TBXAS1: variants seen among roughly 807,000 people sequenced by gnomAD.
The protein encoded by TBXAS1 is thromboxane-A synthase.
A neutral mutation model predicts 60.7 loss-of-function variants in TBXAS1; 48 were observed. The observed-to-expected ratio is 0.79, with a 90% CI of 0.63 to 1.01. The LOEUF (loss-of-function observed/expected upper bound fraction) is 1.01, where lower values mean the gene tolerates loss of function less well. Among genes scored for constraint, TBXAS1 ranks in the 50% least tolerant of loss-of-function variants. The probability of loss-of-function intolerance (pLI) is 0.00; values close to 1 mark genes in which losing one functional copy is unlikely to be tolerated. For synonymous variants in TBXAS1, 287 were observed against 269.7 expected (o/e 1.06, Z -0.63); for missense variants, 685 against 686.3 (o/e 1.00, Z 0.02).
chr7:139,948,549 C>A (rs1808933528), intron 5 of TBXAS1, among the ~76,000 whole-genome samples: 1 of 152,064 alleles, frequency 6.6e-6, no homozygotes, highest in Non-Finnish European at 1.5e-5. Context: ...AATATTTTAT[C>A]TGATTATAAG....
chr7:139,961,808 C>A, intron 8 of TBXAS1, 111 bp from the exon 9 acceptor site: 1 of 1,338,814 alleles, frequency 7.5e-7, no homozygotes, highest in South Asian at 1.3e-5. Flanking sequence ...CTTGTTGCTA[C>A]TGAGCTCTTC....
intron 3 of TBXAS1, among the ~76,000 whole-genome samples, chr7:139,882,849 T>C (rs150260457): frequency 6.6e-6 from 1 of 152,324 alleles, no homozygotes; most frequent in African/African-American, 2.4e-5. Context: ...ACCATCATGA[T>C]GGTCTGTAGG....
intron 9 of TBXAS1, among the ~76,000 whole-genome samples, chr7:139,996,572 TG>T (rs1195730979): frequency 2.6e-5 from 4 of 152,236 alleles, no homozygotes; most frequent in Non-Finnish European, 5.9e-5. Flanking sequence ...GCCCCACCCA[TG>T]TGGTCCTCTT....
chr7:139,849,387 AAACAAAAAAC>A (rs1229103882), intron 1 of TBXAS1, among the ~76,000 whole-genome samples: 1 of 138,672 alleles, frequency 7.2e-6, no homozygotes, highest in African/African-American at 3.0e-5. Flanking sequence ...AAAACACAAA[AAACAAAAAAC>A]AACAAAAAAA....
intron 3 of TBXAS1, among the ~76,000 whole-genome samples, chr7:139,900,753 A>G (rs1418112009): frequency 6.6e-6 from 1 of 152,182 alleles, no homozygotes; most frequent in Non-Finnish European, 1.5e-5. Flanking sequence ...GGCTCTCTCC[A>G]TGTGGTACAA....
intron 9 of TBXAS1, among the ~76,000 whole-genome samples, chr7:139,977,881 A>G (rs1465188799): frequency 1.3e-5 from 2 of 152,256 alleles, no homozygotes; most frequent in Non-Finnish European, 2.9e-5. Context: ...CTAGCTCTAT[A>G]AAGAAATAGG....
chr7:140,011,231 A>G (rs1263658764), intron 10 of TBXAS1, among the ~76,000 whole-genome samples: 2 of 151,744 alleles, frequency 1.3e-5, no homozygotes, highest in Non-Finnish European at 2.9e-5. Context: ...GAGCCAAGAT[A>G]GTGCCACTGC....
chr7:139,788,639 G>A (rs1569489794), intron 4 of TBXAS1, among the ~76,000 whole-genome samples: 1 of 152,230 alleles, frequency 6.6e-6, no homozygotes, highest in African/African-American at 2.4e-5. Context: ...AGACTGCTAT[G>A]TGGAGGTGGA....
chr7:139,832,778 A>G (rs1196458119), intron 1 of TBXAS1, among the ~76,000 whole-genome samples: 1 of 152,216 alleles, frequency 6.6e-6, no homozygotes, highest in Non-Finnish European at 1.5e-5. Flanking sequence ...GAAACCCTAC[A>G]AGCTAGAAGG....
At chr7:139,843,455 G>C (rs574897201) in intron 1 of TBXAS1, among the ~76,000 whole-genome samples, 44 of 152,182 alleles carry the variant, frequency 2.9e-4, no homozygotes, top group Non-Finnish European at 4.0e-4. Flanking sequence ...TGATTCTCCT[G>C]CCTCAGCCTC....
At chr7:139,951,966 GA>G (rs761932825) in intron 5 of TBXAS1, among the ~76,000 whole-genome samples, 1 of 127,854 alleles carries the variant, frequency 7.8e-6, no homozygotes, top group Non-Finnish European at 1.7e-5. Context: ...AAGAAAGAAA[GA>G]AAGAAAGAAA....
At chr7:139,963,380 C>T (rs1810521980) in intron 9 of TBXAS1, among the ~76,000 whole-genome samples, 1 of 152,184 alleles carries the variant, frequency 6.6e-6, no homozygotes, top group South Asian at 2.1e-4. Flanking sequence ...GCAATTCCTC[C>T]AGCCTCGTGT....
chr7:140,003,123 TCAAA>T (rs1569524265), intron 9 of TBXAS1, among the ~76,000 whole-genome samples: 6 of 119,434 alleles, frequency 5.0e-5, no homozygotes, highest in East Asian at 2.4e-4. Context: ...AAACTCCGTC[TCAAA>T]AAAAAAAAAA....
chr7:139,789,212 A>G (rs1797298335), intron 4 of TBXAS1: 1 of 142,404 alleles, frequency 7.0e-6, no homozygotes, highest in South Asian at 2.3e-4. Context: ...AATATGTTTA[A>G]TCTCTCTCTC....
intron 9 of TBXAS1, chr7:139,962,603 T>C (rs1584961882): frequency 6.3e-6 from 2 of 319,518 alleles, no homozygotes; most frequent in South Asian, 5.4e-5. Context: ...GGGAGGCAGG[T>C]GTGAGCCAGA....
chr7:140,005,439 T>A (rs564498038), intron 9 of TBXAS1, among the ~76,000 whole-genome samples: 26 of 151,106 alleles, frequency 1.7e-4, no homozygotes, highest in African/African-American at 4.2e-4. Context: ...AAAAAAAAAA[T>A]AAATAAATAA....
rs569117533 is a variant in TBXAS1 at position 139,822,995 on chromosome 7, C to T, written c.-79-6317C>T. 5.5e-4 allele frequency among the ~76,000 whole-genome samples: 83 copies of T among 152,020 alleles called. 1 individual carries two copies. The highest frequency in any genetic ancestry group is 1.9e-3 in the African/African-American group (77 of 41,446). On this transcript the variant is annotated intron_variant, in intron 4 of 16. Coordinates refer to the TBXAS1 transcript ENST00000336425. ...GAAAGATGAACTTCTTGGTATGGCC[C>T]GCAGTGCCTTGCATATCTCCCCGTC... is the stretch of plus-strand genomic sequence containing the variant.
Position 139,829,270 on chromosome 7 carries a change from T to G in TBXAS1, c.-121T>G. The G allele has an allele frequency of 1.2e-6, 1 of 840,044 alleles. No homozygotes were observed. The highest frequency in any genetic ancestry group is 2.7e-5 in the East Asian group (1 of 37,618). The allele number at this position is 840,044 out of a possible 1,614,324, so 52.0% of individuals were successfully genotyped here. ...GAGCACATTGTGGGGGCCCACTCCA[T>G]GTGATGTTTGCTTGGTTGCCTGTTC... On this transcript the variant is annotated 5_prime_UTR_variant, in exon 1 of 13. It removes an upstream start codon present in the reference 5' UTR. Transcript: ENST00000448866.
In TBXAS1 at chr7:139,778,801, A is replaced by C. The variant is rs924816367; in HGVS notation, c.-318+330A>C. ...GCTAAACACTCTCCAGACTCTCCCC[A>C]GCCGGGAGCCTCTCCAGGTTTGCTT... On this transcript the variant is annotated intron_variant, in intron 1 of 16. Coordinates refer to the TBXAS1 transcript ENST00000336425. The surrounding 1 kb of genome is among the most constrained non-coding windows in gnomAD (Gnocchi z 4.8). 1.3e-4 allele frequency among the ~76,000 whole-genome samples: 20 copies of C among 152,104 alleles called. No individual in the cohort carries two copies. The highest frequency in any genetic ancestry group is 4.6e-4 in the African/African-American group (19 of 41,422).
Sources: allele counts gnomAD v4.1 joint callset (sites outside exome capture counted in the v4.1 genomes callset), GRCh38; gene constraint gnomAD v4.1.1; non-coding constraint Gnocchi (gnomAD v3.1); transcripts MANE v1.5; gene names NCBI Gene and HGNC (gene_info 2026-07-23, HGNC 2026-07-21).